The following TBC1D9 variants were observed in gnomAD, a reference collection of about 807,000 sequenced individuals.
The protein encoded by TBC1D9 is TBC1 domain family member 9A.
Under a neutral mutation model 132.0 loss-of-function variants are expected in TBC1D9, and 63 were observed. The observed-to-expected ratio is 0.48, with a 90% CI of 0.39 to 0.59. The LOEUF is 0.59. Ranked by LOEUF, TBC1D9 falls within the 20% of genes least tolerant of loss-of-function variation. The probability of loss-of-function intolerance (pLI) is 0.00; values close to 1 mark genes in which losing one functional copy is unlikely to be tolerated. For synonymous variants in TBC1D9, 610 were observed against 609.9 expected (o/e 1.00, Z 0.00); for missense variants, 1,261 against 1,592.7 (o/e 0.79, Z 3.54).
intron 11 of TBC1D9, among the ~76,000 whole-genome samples, chr4:140,658,291 T>C (rs1737303079): frequency 6.6e-6 from 1 of 152,188 alleles, no homozygotes; most frequent in Non-Finnish European, 1.5e-5. Context: ...CTAGGCTATA[T>C]GGTATAGCCT....
intron 1 of TBC1D9, among the ~76,000 whole-genome samples, chr4:140,702,899 A>G (rs1738094053): frequency 6.6e-6 from 1 of 152,178 alleles, no homozygotes; most frequent in Non-Finnish European, 1.5e-5. Context: ...AGCTCAGACC[A>G]GCTGACAATA....
chr4:140,739,719 A>C (rs1277820993), intron 1 of TBC1D9, among the ~76,000 whole-genome samples: 1 of 152,256 alleles, frequency 6.6e-6, no homozygotes, highest in Non-Finnish European at 1.5e-5. Context: ...AAGAGGCATT[A>C]AAGCTGGGCA....
intron 2 of TBC1D9, among the ~76,000 whole-genome samples, chr4:140,689,380 C>G (rs1737837934): frequency 6.6e-6 from 1 of 151,540 alleles, no homozygotes; most frequent in Admixed American, 6.6e-5. Flanking sequence ...TTCAAAGCTT[C>G]CCTTCCTCCT....
intron 5 of TBC1D9, among the ~76,000 whole-genome samples, chr4:140,678,705 C>T (rs1049606711): frequency 2.0e-5 from 3 of 152,180 alleles, no homozygotes; most frequent in African/African-American, 7.2e-5. Flanking sequence ...CATGTGTGCA[C>T]CCACAGCACT....
rs143069666 is a variant in TBC1D9 at position 140,737,476 on chromosome 4, T to TAC, written c.130+18438_130+18439dup. Among the ~76,000 whole-genome samples the TAC allele has an allele frequency of 5.6e-5, 8 of 144,124 alleles. No individual in the cohort carries two copies. The South Asian group carries it at 1.1e-3, about 21-fold the overall frequency. 94.6% of individuals were successfully genotyped at this position (144,124 alleles called of 152,430 possible). A position where few individuals can be genotyped will look rare whatever the true frequency, so the allele number is the denominator to read the frequency against. ...TCTCTCTCTCTCTCTCACACACACA[T>TAC]ACACACACACACACTCACATTCACA... On this transcript the variant is annotated intron_variant, in intron 1 of 20. Coordinates refer to ENST00000442267, the MANE Select transcript of TBC1D9 (RefSeq NM_015130.3).
intron 17 of TBC1D9, among the ~76,000 whole-genome samples, chr4:140,627,769 A>G (rs2291712): frequency 0.83 from 126,184 of 152,180 alleles, 52,898 homozygotes; most frequent in African/African-American, 0.95. Flanking sequence ...CTGTGTTATG[A>G]AGAATTTTCC....
intron 2 of TBC1D9, among the ~76,000 whole-genome samples, chr4:140,687,259 TA>T (rs1357509860): frequency 1.3e-5 from 2 of 148,586 alleles, no homozygotes; most frequent in African/African-American, 4.9e-5. Flanking sequence ...TTAATGATCT[TA>T]TAGAAAAATG....
At chr4:140,709,884 C>A (rs1021911118) in intron 1 of TBC1D9, among the ~76,000 whole-genome samples, 1 of 152,188 alleles carries the variant, frequency 6.6e-6, no homozygotes, top group Non-Finnish European at 1.5e-5. Context: ...TGATTTGAAA[C>A]GAGGTGGAGC....
intron 5 of TBC1D9, among the ~76,000 whole-genome samples, chr4:140,677,443 C>T (rs551421172): frequency 3.7e-4 from 56 of 152,228 alleles, no homozygotes; most frequent in Middle Eastern, 3.4e-3. Flanking sequence ...CTTATCCAAG[C>T]CACTTTAGGG....
chr4:140,718,388 G>A (rs898552775), intron 1 of TBC1D9, among the ~76,000 whole-genome samples: 5 of 152,024 alleles, frequency 3.3e-5, no homozygotes, highest in Non-Finnish European at 7.4e-5. Flanking sequence ...GAGGATCTCT[G>A]GTCTTCATTA....
At chr4:140,669,578 T>G (rs1731367355) in intron 8 of TBC1D9, 56 bp downstream of exon 8, 14 of 1,532,786 alleles carry the variant, frequency 9.1e-6, no homozygotes, top group Non-Finnish European at 1.2e-5. Flanking sequence ...TAAAAAATAT[T>G]GTTAATGGCA....
intron 1 of TBC1D9, among the ~76,000 whole-genome samples, chr4:140,735,999 G>A (rs1377779409): frequency 6.6e-6 from 1 of 152,098 alleles, no homozygotes; most frequent in Non-Finnish European, 1.5e-5. Flanking sequence ...GCTTTTCTGG[G>A]CAAACACACC....
At chr4:140,746,714 C>T (rs1024870072) in intron 1 of TBC1D9, among the ~76,000 whole-genome samples, 2 of 152,118 alleles carry the variant, frequency 1.3e-5, no homozygotes, top group African/African-American at 2.4e-5. Flanking sequence ...CATCAGATCT[C>T]GTGAGACTTA....
intron 2 of TBC1D9, among the ~76,000 whole-genome samples, chr4:140,698,572 A>G (rs534287246): frequency 1.3e-5 from 2 of 152,006 alleles, no homozygotes; most frequent in East Asian, 3.9e-4. Flanking sequence ...ACATGGTAAA[A>G]CCCCGTCTCT....
intron 20 of TBC1D9, among the ~76,000 whole-genome samples, chr4:140,623,558 C>T (rs1017099567): frequency 2.0e-5 from 3 of 152,102 alleles, no homozygotes; most frequent in South Asian, 2.1e-4. Context: ...TCTATTTTCA[C>T]GTCTACACAC....
chr4:140,624,034 T>A, intron 20 of TBC1D9, 82 bp downstream of exon 20: 1 of 1,125,350 alleles, frequency 8.9e-7, no homozygotes, highest in Non-Finnish European at 1.3e-6. Flanking sequence ...GGGTATTGAG[T>A]CTACATTTAT....
intron 1 of TBC1D9, among the ~76,000 whole-genome samples, chr4:140,712,505 G>A (rs1460965656): frequency 7.1e-6 from 1 of 140,160 alleles, no homozygotes; most frequent in East Asian, 2.2e-4. Flanking sequence ...CACTTTGGGA[G>A]GCCCAGGCGG....
chr4:140,684,078 A>G (rs73859304), intron 3 of TBC1D9, among the ~76,000 whole-genome samples: 256 of 152,300 alleles, frequency 1.7e-3, no homozygotes, highest in African/African-American at 5.9e-3. Context: ...TTATATGTAC[A>G]TGAGACTTCT....
intron 1 of TBC1D9, among the ~76,000 whole-genome samples, chr4:140,707,173 CTGTT>C (rs1017593342): frequency 2.4e-4 from 36 of 151,788 alleles, no homozygotes; most frequent in African/African-American, 6.8e-4. Flanking sequence ...GAAATGGTAC[CTGTT>C]TGTTAGTTAA....
Sources: allele counts gnomAD v4.1 joint callset (sites outside exome capture counted in the v4.1 genomes callset), GRCh38; gene constraint gnomAD v4.1.1; transcripts MANE v1.5; gene names NCBI Gene and HGNC (gene_info 2026-07-23, HGNC 2026-07-21).